The following TENM3 variants were observed in gnomAD, a reference collection of about 807,000 sequenced individuals.
The protein encoded by TENM3 is teneurin transmembrane protein 3.
A neutral mutation model predicts 255.1 loss-of-function variants in TENM3; 63 were observed. The ratio of observed to expected loss-of-function variants is 0.25; its 90% CI spans 0.20 to 0.30. TENM3 has a LOEUF of 0.30. Among genes scored for constraint, TENM3 ranks in the 10% least tolerant of loss-of-function variants. The probability of loss-of-function intolerance (pLI) is 1.00; values close to 1 mark genes in which losing one functional copy is unlikely to be tolerated. For missense variants in TENM3, 2,929 were observed against 3,461.1 expected (o/e 0.85, Z 3.86); for synonymous variants, 1,306 against 1,322.3 (o/e 0.99, Z 0.27).
chr4:182,528,587 A>T (rs182608728), intron 3 of TENM3, among the ~76,000 whole-genome samples: 2 of 152,326 alleles, frequency 1.3e-5, no homozygotes, highest in Non-Finnish European at 2.9e-5. Context: ...TCATTTATTC[A>T]TGCAAAAATG....
At chr4:182,311,585 C>T (rs987326781) in intron 1 of TENM3, among the ~76,000 whole-genome samples, 2 of 152,176 alleles carry the variant, frequency 1.3e-5, no homozygotes, top group African/African-American at 4.8e-5. Flanking sequence ...GTGAATCTCT[C>T]TGGGCCTCAG....
chr4:182,179,824 T>C (rs1156798919), intron 1 of TENM3, among the ~76,000 whole-genome samples: 1 of 152,220 alleles, frequency 6.6e-6, no homozygotes, highest in Non-Finnish European at 1.5e-5. Context: ...TATTATGGTA[T>C]AAGATGCTTC....
the TENM3 span, among the ~76,000 whole-genome samples, chr4:181,961,947 T>G: frequency 6.6e-6 from 1 of 152,136 alleles, no homozygotes; most frequent in Non-Finnish European, 1.5e-5. Context: ...AAATCTTTAT[T>G]CACTATAGGT....
At position 182,680,818 on chromosome 4, in the gene TENM3, A is replaced by C. The variant is rs550205819; in HGVS notation, c.1834+81A>C. On this transcript the variant is annotated intron_variant, in intron 10 of 27. Coordinates refer to ENST00000511685, the MANE Select transcript of TENM3 (RefSeq NM_001080477.4). Reference sequence around the variant, plus strand: ...GTATCTGTAATCTTTAGTTGGGCAGATCTCTTTTATACGCTTCCTTTTGAA... The same window carrying C: ...GTATCTGTAATCTTTAGTTGGGCAGCTCTCTTTTATACGCTTCCTTTTGAA... 5.4e-5 allele frequency: 61 copies of C among 1,135,790 alleles called. No individual in the cohort carries two copies. In the South Asian group the frequency reaches 1.2e-3, roughly 22 times the overall value. The allele number at this position is 1,135,790 out of a possible 1,614,324, so 70.4% of individuals were successfully genotyped here. A position where few individuals can be genotyped will look rare whatever the true frequency, so the allele number is the denominator to read the frequency against.
intron 3 of TENM3, among the ~76,000 whole-genome samples, chr4:182,448,045 CG>C (rs1773072312): frequency 6.6e-6 from 1 of 152,234 alleles, no homozygotes; most frequent in African/African-American, 2.4e-5. Context: ...TGAGCTATTC[CG>C]GATCAGGGCT....
intron 3 of TENM3, among the ~76,000 whole-genome samples, chr4:182,366,035 T>G (rs1218837832): frequency 2.0e-5 from 3 of 152,126 alleles, no homozygotes; most frequent in African/African-American, 7.2e-5. Context: ...ATCAAAACAT[T>G]ATTGTGTGGT....
chr4:182,720,411 C>G (rs1759622492), intron 13 of TENM3, among the ~76,000 whole-genome samples: 2 of 151,840 alleles, frequency 1.3e-5, no homozygotes, highest in East Asian at 1.9e-4. Context: ...CAAAATGAAT[C>G]CAGATATTAT....
intron 3 of TENM3, among the ~76,000 whole-genome samples, chr4:182,509,061 T>C (rs1473077205): frequency 6.6e-6 from 1 of 152,256 alleles, no homozygotes; most frequent in Non-Finnish European, 1.5e-5. Flanking sequence ...AATTATCCGT[T>C]ATTTTTAACA....
the TENM3 span, among the ~76,000 whole-genome samples, chr4:181,871,867 A>AT: frequency 5.3e-5 from 8 of 152,008 alleles, no homozygotes; most frequent in Admixed American, 3.9e-4. Flanking sequence ...AATTAAATTG[A>AT]TTTTTTAAGT....
At chr4:182,600,124 A>G (rs553459491) in intron 3 of TENM3, among the ~76,000 whole-genome samples, 1 of 152,318 alleles carries the variant, frequency 6.6e-6, no homozygotes, top group African/African-American at 2.4e-5. Context: ...AAACAAAAAT[A>G]TTTGTATCAC....
chr4:182,030,119 C>T, the TENM3 span, among the ~76,000 whole-genome samples: 2 of 148,480 alleles, frequency 1.3e-5, no homozygotes, highest in Non-Finnish European at 3.0e-5. Flanking sequence ...GCAGGATGTG[C>T]AGGTTTGTTA....
chr4:182,435,654 GC>G (rs1201134304), intron 3 of TENM3, among the ~76,000 whole-genome samples: 1 of 152,218 alleles, frequency 6.6e-6, no homozygotes, highest in Non-Finnish European at 1.5e-5. Flanking sequence ...GCAGCTGCCA[GC>G]CGGGAGGAAT....
chr4:182,646,507 C>T (rs1285485274), intron 5 of TENM3, among the ~76,000 whole-genome samples: 1 of 151,988 alleles, frequency 6.6e-6, no homozygotes, highest in African/African-American at 2.4e-5. Flanking sequence ...TTTGGGAGGC[C>T]GAGGCGGGTG....
chr4:182,381,996 A>G (rs1029614420), intron 3 of TENM3, among the ~76,000 whole-genome samples: 1 of 152,168 alleles, frequency 6.6e-6, no homozygotes, highest in African/African-American at 2.4e-5. Context: ...TAGAATTAGA[A>G]TATGCATTTT....
chr4:182,366,581 T>C (rs1766444315), intron 3 of TENM3, among the ~76,000 whole-genome samples: 1 of 152,160 alleles, frequency 6.6e-6, no homozygotes, highest in Non-Finnish European at 1.5e-5. Flanking sequence ...AATCTACTTA[T>C]ATTTCAGCAA....
the TENM3 span, among the ~76,000 whole-genome samples, chr4:181,519,223 G>A: frequency 1.5e-3 from 230 of 152,172 alleles, no homozygotes; most frequent in African/African-American, 5.3e-3. Flanking sequence ...TGAAAGCTAA[G>A]GCAAAAAAAT....
At chr4:182,025,119 T>C in the TENM3 span, among the ~76,000 whole-genome samples, 24 of 150,988 alleles carry the variant, frequency 1.6e-4, no homozygotes, top group Non-Finnish European at 3.2e-4. Context: ...AGCTCCGCCT[T>C]GCGGGTTCAC....
the TENM3 span, among the ~76,000 whole-genome samples, chr4:181,636,843 G>A: frequency 2.6e-5 from 4 of 152,188 alleles, no homozygotes; most frequent in East Asian, 1.9e-4. Flanking sequence ...ATGGCTTCCC[G>A]TCACCCTTCG....
the TENM3 span, among the ~76,000 whole-genome samples, chr4:181,945,010 A>T: frequency 0.35 from 53,666 of 151,898 alleles, 10,396 homozygotes; most frequent in African/African-American, 0.51. Context: ...TGATATTGCA[A>T]ACTGTGAAGA....
Sources: allele counts gnomAD v4.1 joint callset (sites outside exome capture counted in the v4.1 genomes callset), GRCh38; gene constraint gnomAD v4.1.1; transcripts MANE v1.5; gene names NCBI Gene and HGNC (gene_info 2026-07-23, HGNC 2026-07-21).